RBM20: variants seen among roughly 807,000 people sequenced by gnomAD.
The protein encoded by RBM20 is RNA binding motif protein 20.
A neutral mutation model predicts 110.1 loss-of-function variants in RBM20; 51 were observed. The ratio of observed to expected loss-of-function variants is 0.46; its 90% CI spans 0.37 to 0.59. RBM20 has a LOEUF of 0.59. Among genes scored for constraint, RBM20 ranks in the 20% least tolerant of loss-of-function variants. The pLI is 0.00. For synonymous variants in RBM20, 589 were observed against 618.2 expected, an observed-to-expected ratio of 0.95 and a Z score of 0.70; for missense variants, 1,512 against 1,574.9, an observed-to-expected ratio of 0.96 and a Z score of 0.68.
At chr10:110,740,411 TTGGTCTGAGTGTTTCA>T (rs1312473127) in intron 1 of RBM20, among the ~76,000 whole-genome samples, 4 of 152,222 alleles carry the variant, frequency 2.6e-5, no homozygotes, top group African/African-American at 7.2e-5. Flanking sequence ...TAGTACCAGC[TTGGTCTGAGTGTTTCA>T]TGGGCAAGGG....
At chr10:110,726,784 G>T (rs1383157673) in intron 1 of RBM20, among the ~76,000 whole-genome samples, 1 of 152,182 alleles carries the variant, frequency 6.6e-6, no homozygotes, top group Non-Finnish European at 1.5e-5. Context: ...GCAGGAAAAA[G>T]ATACAAATTA....
intron 5 of RBM20, among the ~76,000 whole-genome samples, chr10:110,789,820 G>A (rs2135059373): frequency 6.6e-6 from 1 of 152,270 alleles, no homozygotes; most frequent in African/African-American, 2.4e-5. Flanking sequence ...TGCCATTTGA[G>A]GCCAGGCACT....
chr10:110,775,514 C>T (rs1484806452), intron 1 of RBM20, among the ~76,000 whole-genome samples: 2 of 152,172 alleles, frequency 1.3e-5, no homozygotes, highest in Non-Finnish European at 2.9e-5. Flanking sequence ...ATTCCACAGC[C>T]CTTTAAGTCC....
intron 1 of RBM20, among the ~76,000 whole-genome samples, chr10:110,704,653 T>C (rs1233159446): frequency 1.1e-4 from 16 of 152,160 alleles, no homozygotes; most frequent in Non-Finnish European, 8.8e-5. Context: ...GGGATTCAGA[T>C]GGTTTGGTGA....
In RBM20 at chr10:110,738,795, C is replaced by T. The variant is rs998702617; in HGVS notation, c.192-42006C>T. Among the ~76,000 whole-genome samples, 5 of 151,830 alleles carry T rather than the reference C, an allele frequency of 3.3e-5. 1 individual carries two copies. The highest frequency in any genetic ancestry group is 3.9e-4 in the East Asian group (2 of 5,176). ...GTGCCAAGGTGCCAGAGCATGGAGG[C>T]GGGAATGGGGATAGAGGAGGTGGCG... On this transcript the variant is annotated intron_variant, in intron 1 of 13. Coordinates refer to ENST00000369519, the MANE Select transcript of RBM20 (RefSeq NM_001134363.3).
At chr10:110,717,579 G>A (rs895655908) in intron 1 of RBM20, among the ~76,000 whole-genome samples, 4 of 152,078 alleles carry the variant, frequency 2.6e-5, no homozygotes, top group Non-Finnish European at 5.9e-5. Flanking sequence ...GCTTTGAAGT[G>A]TCTCCCACCT....
chr10:110,768,246 A>AG (rs1564840226), intron 1 of RBM20, among the ~76,000 whole-genome samples: 3 of 135,148 alleles, frequency 2.2e-5, no homozygotes, highest in Non-Finnish European at 4.9e-5. Context: ...AGAGGGAGGG[A>AG]AAGGGAGAGG....
intron 1 of RBM20, among the ~76,000 whole-genome samples, chr10:110,772,709 C>A (rs1844209469): frequency 6.6e-6 from 1 of 152,198 alleles, no homozygotes; most frequent in African/African-American, 2.4e-5. Context: ...TGTTAAGCAG[C>A]ACATGACTGT....
chr10:110,812,785 C>T lies in RBM20; in HGVS notation c.2388C>T (p.Pro796=). The change falls in exon 9 of 14, where the codon CCC becomes CCT. Residue 796 remains proline (P), a synonymous_variant. Coordinates refer to ENST00000369519, the MANE Select transcript of RBM20 (RefSeq NM_001134363.3). ...CCAGGCTGCGGGAAAGCAGACACCCCCATCCGGATGACTCAGGCAAGGAAG... is the reference window on the plus strand; with the variant it reads ...CCAGGCTGCGGGAAAGCAGACACCCTCATCCGGATGACTCAGGCAAGGAAG... ...DEARLRESRH[P]HPDDSGKEDG... 1 of 1,551,562 alleles carries T rather than the reference C, an allele frequency of 6.4e-7. No individual in the cohort carries two copies. Among genetic ancestry groups the T allele is most frequent in the Non-Finnish European group, 8.7e-7 (1 of 1,146,870 alleles).
intron 1 of RBM20, among the ~76,000 whole-genome samples, chr10:110,710,776 G>A (rs1031554549): frequency 6.6e-6 from 1 of 152,190 alleles, no homozygotes; most frequent in Non-Finnish European, 1.5e-5. Flanking sequence ...TGGGCTCCTG[G>A]CACAGGAGAA....
Position 110,812,171 on chromosome 10 carries a change from C to T in RBM20, c.1881-107C>T, listed in dbSNP as rs1844775597. On this transcript the variant is annotated intron_variant, in intron 8 of 13. Transcript: ENST00000369519. The stretch of plus-strand genomic sequence containing the variant: ...TAGAGTTGGGAGTTAAGAGTGTACA[C>T]AGTTACATGCACAGTATATCTAAGA... The T allele has an allele frequency of 4.0e-6, 4 of 1,005,236 alleles. No individual in the cohort carries two copies. The East Asian group carries it at 1.1e-4, about 26-fold the overall frequency. 62.3% of individuals were successfully genotyped at this position (1,005,236 alleles called of 1,614,324 possible). A position where few individuals can be genotyped will look rare whatever the true frequency, so the allele number is the denominator to read the frequency against.
chr10:110,664,545 G>T (rs1862150055), intron 1 of RBM20, among the ~76,000 whole-genome samples: 1 of 152,054 alleles, frequency 6.6e-6, no homozygotes, highest in Non-Finnish European at 1.5e-5. Context: ...TCAGGAGTTT[G>T]AGACCAGCCT....
intron 1 of RBM20, among the ~76,000 whole-genome samples, chr10:110,710,883 A>G (rs920383339): frequency 6.6e-6 from 1 of 152,154 alleles, no homozygotes; most frequent in Non-Finnish European, 1.5e-5. Flanking sequence ...TGAAGGCCAC[A>G]GTTGGCTGGG....
intron 1 of RBM20, among the ~76,000 whole-genome samples, chr10:110,702,259 G>T (rs746738676): frequency 2.0e-5 from 3 of 152,230 alleles, no homozygotes; most frequent in Non-Finnish European, 4.4e-5. Context: ...GAGCGTATCA[G>T]CTGAGTGTGG....
At chr10:110,651,536 A>G (rs1485243876) in intron 1 of RBM20, among the ~76,000 whole-genome samples, 1 of 152,206 alleles carries the variant, frequency 6.6e-6, no homozygotes, top group African/African-American at 2.4e-5. Context: ...GGAGACAGAG[A>G]TAATAATTTT....
intron 1 of RBM20, chr10:110,756,726 C>G (rs1298687690): frequency 6.6e-6 from 1 of 152,244 alleles, no homozygotes; most frequent in African/African-American, 2.4e-5. Context: ...TTCTGGCTGT[C>G]ACCAGGTCTT....
At chr10:110,656,159 G>A (rs1485261423) in intron 1 of RBM20, among the ~76,000 whole-genome samples, 1 of 152,034 alleles carries the variant, frequency 6.6e-6, no homozygotes, top group Non-Finnish European at 1.5e-5. Flanking sequence ...AAAATTTGCC[G>A]GGCGTGGTGG....
Position 110,739,342 on chromosome 10 carries a change from T to TTA in RBM20, c.192-41458_192-41457dup, listed in dbSNP as rs1211964652. On this transcript the variant is annotated intron_variant, in intron 1 of 13. Coordinates refer to ENST00000369519, the MANE Select transcript of RBM20 (RefSeq NM_001134363.3). This position sits in a 1 kb window ranked among gnomAD's most constrained non-coding sequence, Gnocchi z 4.1. Reference sequence around the variant, plus strand: ...ACATTCATTAGGTGCCCACTCTGGGTTACTGTGTCTCGCACTGTCCTGGAC... The same window carrying TTA: ...ACATTCATTAGGTGCCCACTCTGGGTTATACTGTGTCTCGCACTGTCCTGGAC... Among the ~76,000 whole-genome samples, 1 of 152,142 alleles carries TTA rather than the reference T, an allele frequency of 6.6e-6. No homozygotes were observed. The highest frequency in any genetic ancestry group is 1.5e-5 in the Non-Finnish European group (1 of 68,026).
intron 12 of RBM20, among the ~76,000 whole-genome samples, chr10:110,830,456 A>T (rs1414161563): frequency 2.0e-5 from 3 of 152,216 alleles, no homozygotes; most frequent in African/African-American, 4.8e-5. Context: ...AATTTCACGA[A>T]AAAAAGAGGA....
Sources: gnomAD v4.1 joint callset for allele counts (sites outside exome capture counted in the v4.1 genomes callset) on GRCh38, gnomAD v4.1.1 for gene constraint, Gnocchi (gnomAD v3.1) non-coding constraint, MANE v1.5 for transcripts, NCBI Gene and HGNC (gene_info 2026-07-23, HGNC 2026-07-21) for gene names.